ZNF536: variants seen among roughly 807,000 people sequenced by gnomAD.
The protein encoded by ZNF536 is zinc finger protein 536.
A neutral mutation model predicts 84.5 loss-of-function variants in ZNF536; 13 were observed. The ratio of observed to expected loss-of-function variants is 0.15; its 90% CI spans 0.10 to 0.24. ZNF536 has a LOEUF of 0.24. Ranked by LOEUF, ZNF536 falls within the 10% of genes least tolerant of loss-of-function variation. ZNF536 has a pLI of 1.00. For synonymous variants in ZNF536, 811 were observed against 742.5 expected (o/e 1.09, Z -1.50); for missense variants, 1,536 against 1,747.5 (o/e 0.88, Z 2.16).
intron 2 of ZNF536, among the ~76,000 whole-genome samples, chr19:30,480,099 C>T (rs2054011881): frequency 6.6e-6 from 1 of 152,226 alleles, no homozygotes; most frequent in Non-Finnish European, 1.5e-5. Context: ...CACAGTTCCT[C>T]AGATATCACA....
intron 2 of ZNF536, among the ~76,000 whole-genome samples, chr19:30,515,570 A>G (rs2055603368): frequency 6.6e-6 from 1 of 152,200 alleles, no homozygotes; most frequent in Admixed American, 6.5e-5. Flanking sequence ...TCACAGCAGC[A>G]GGAAGGCACC....
intron 2 of ZNF536, among the ~76,000 whole-genome samples, chr19:30,318,847 G>A (rs1183248958): frequency 6.6e-6 from 1 of 152,050 alleles, no homozygotes; most frequent in Non-Finnish European, 1.5e-5. Flanking sequence ...CTTCACCCAG[G>A]GCCACTCCAT....
chr19:30,483,814 C>T (rs1180814066), intron 2 of ZNF536, among the ~76,000 whole-genome samples: 1 of 152,118 alleles, frequency 6.6e-6, no homozygotes, highest in Non-Finnish European at 1.5e-5. Context: ...TCATGAGAAC[C>T]TTCAGGGTCC....
At chr19:30,546,072 G>A (rs756268041) in intron 3 of ZNF536, among the ~76,000 whole-genome samples, 14 of 152,120 alleles carry the variant, frequency 9.2e-5, no homozygotes, top group Admixed American at 8.5e-4. Flanking sequence ...TCTAAGTTTC[G>A]GGGACTGCCT....
chr19:30,494,767 G>A, intron 2 of ZNF536, among the ~76,000 whole-genome samples: 1 of 151,982 alleles, frequency 6.6e-6, no homozygotes. Context: ...CCAACATGGT[G>A]AAAACCCATC....
At chr19:30,521,247 C>A (rs1288855157) in intron 2 of ZNF536, among the ~76,000 whole-genome samples, 1 of 152,212 alleles carries the variant, frequency 6.6e-6, no homozygotes, top group Non-Finnish European at 1.5e-5. Flanking sequence ...CCGTGTGTCT[C>A]CCTGTGTTGA....
intron 2 of ZNF536, among the ~76,000 whole-genome samples, chr19:30,481,618 C>A (rs2054091049): frequency 6.6e-6 from 1 of 152,092 alleles, no homozygotes; most frequent in African/African-American, 2.4e-5. Flanking sequence ...GGATTTAATC[C>A]TTGTAACAAC....
At chr19:30,266,643 G>C (rs1325526630) in intron 1 of ZNF536, among the ~76,000 whole-genome samples, 1 of 152,154 alleles carries the variant, frequency 6.6e-6, no homozygotes, top group Non-Finnish European at 1.5e-5. Context: ...GGAATGTCAA[G>C]ATCATTTTTA....
chr19:30,269,045 T>C (rs1401807846), intron 1 of ZNF536, among the ~76,000 whole-genome samples: 1 of 152,210 alleles, frequency 6.6e-6, no homozygotes, highest in Middle Eastern at 3.2e-3. Context: ...TTACATAGCA[T>C]ATGCTAAACA....
intron 3 of ZNF536, among the ~76,000 whole-genome samples, chr19:30,537,760 G>A (rs116056028): frequency 1.3e-3 from 196 of 152,242 alleles, no homozygotes; most frequent in African/African-American, 4.6e-3. Flanking sequence ...AATACTCTTC[G>A]GAGACATTGA....
intron 1 of ZNF536, among the ~76,000 whole-genome samples, chr19:30,276,791 C>A (rs1310326023): frequency 6.6e-6 from 1 of 151,932 alleles, no homozygotes; most frequent in African/African-American, 2.4e-5. Context: ...GCTCACGTCA[C>A]CAGGAGAACT....
intron 2 of ZNF536, chr19:30,284,251 C>A (rs1182142726): frequency 1.3e-5 from 2 of 152,288 alleles, no homozygotes; most frequent in African/African-American, 2.4e-5. Context: ...TATGGAGAAA[C>A]TTCCAGAGTC....
intron 1 of ZNF536, among the ~76,000 whole-genome samples, chr19:30,415,765 C>T (rs914765143): frequency 4.6e-5 from 7 of 152,080 alleles, no homozygotes; most frequent in African/African-American, 7.2e-5. Flanking sequence ...TGCCCACCAC[C>T]GTGCCCGGCT....
At chr19:30,553,110 A>C (rs1328000900) in intron 4 of ZNF536, among the ~76,000 whole-genome samples, 4 of 152,190 alleles carry the variant, frequency 2.6e-5, no homozygotes, top group Admixed American at 1.3e-4. Context: ...CCATCGGAGA[A>C]TTTGGATATG....
At chr19:30,692,013 C>T (rs1275247679) in intron 1 of ZNF536, among the ~76,000 whole-genome samples, 1 of 152,158 alleles carries the variant, frequency 6.6e-6, no homozygotes, top group African/African-American at 2.4e-5. Context: ...CGGTCATGGC[C>T]GGGCCTGGGA....
intron 1 of ZNF536, among the ~76,000 whole-genome samples, chr19:30,589,920 C>T (rs779201059): frequency 1.3e-5 from 2 of 152,148 alleles, no homozygotes; most frequent in Non-Finnish European, 2.9e-5. Flanking sequence ...TCTAGGGGTG[C>T]CATGTGGAGG....
chr19:30,376,648 G>A (rs1402695042), intron 1 of ZNF536, among the ~76,000 whole-genome samples: 1 of 152,164 alleles, frequency 6.6e-6, no homozygotes, highest in Non-Finnish European at 1.5e-5. Context: ...TGAGCTCAGG[G>A]CCTTTGCATG....
chr19:30,654,835 C>G (rs952122782), intron 1 of ZNF536, among the ~76,000 whole-genome samples: 2 of 152,068 alleles, frequency 1.3e-5, no homozygotes, highest in South Asian at 2.1e-4. Flanking sequence ...ACCCACCCCC[C>G]ACACACCCCC....
intron 1 of ZNF536, among the ~76,000 whole-genome samples, chr19:30,675,102 A>T (rs995558927): frequency 3.9e-5 from 6 of 152,102 alleles, no homozygotes; most frequent in Non-Finnish European, 7.4e-5. Context: ...TCTGGCTTTC[A>T]TTCCTGTAGC....
Sources: allele counts gnomAD v4.1 joint callset (sites outside exome capture counted in the v4.1 genomes callset), GRCh38; gene constraint gnomAD v4.1.1; transcripts MANE v1.5; gene names NCBI Gene and HGNC (gene_info 2026-07-23, HGNC 2026-07-21).